The following DNHD1 variants were observed in gnomAD, a reference collection of about 807,000 sequenced individuals.
DNHD1 encodes dynein heavy chain domain-containing protein 1.
Under a neutral mutation model 458.1 loss-of-function variants are expected in DNHD1, and 383 were observed. The observed-to-expected ratio is 0.84, with a 90% CI of 0.77 to 0.91. The LOEUF (loss-of-function observed/expected upper bound fraction) is 0.91. DNHD1 is among the 40% of genes least tolerant of loss of function. The probability of loss-of-function intolerance (pLI) is 0.00; values close to 1 mark genes in which losing one functional copy is unlikely to be tolerated. For synonymous variants in DNHD1, 2,203 were observed against 2,376.9 expected, an observed-to-expected ratio of 0.93 and a Z score of 2.13; for missense variants, 5,336 against 5,866.1, an observed-to-expected ratio of 0.91 and a Z score of 2.95.
intron 7 of DNHD1, among the ~76,000 whole-genome samples, chr11:6,515,502 A>G (rs1852443007): frequency 6.6e-6 from 1 of 152,110 alleles, no homozygotes. Context: ...AGGCATGACA[A>G]CTCTGTAATA....
rs1853508753 is a variant in DNHD1 at position 6,558,148 on chromosome 11, C to T, written c.8853C>T (p.Leu2951=). ...VALLVPSGVD[L]TTLHRLLALA... Reference sequence around the variant, plus strand: ...TGTTGGTACCCAGTGGTGTGGATCTCACTACACTTCATCGCCTCCTGGCCC... The same window carrying T: ...TGTTGGTACCCAGTGGTGTGGATCTTACTACACTTCATCGCCTCCTGGCCC... The change falls in exon 25 of 43, where the codon CTC becomes CTT. Residue 2951 remains leucine, a synonymous_variant. Transcript: ENST00000254579. 6.4e-7 allele frequency: 1 copy of T among 1,550,834 alleles called. No individual in the cohort carries two copies. Among genetic ancestry groups the T allele is most frequent in the Non-Finnish European group, 8.7e-7 (1 of 1,146,704 alleles).
chr11:6,559,777 G>A (rs1324049571), intron 28 of DNHD1, among the ~76,000 whole-genome samples: 1 of 152,192 alleles, frequency 6.6e-6, no homozygotes, highest in African/African-American at 2.4e-5. Flanking sequence ...AGAACCAGAA[G>A]TAAATTTATA....
Position 6,571,057 on chromosome 11 carries a change from G to T in DNHD1, c.13545G>T (p.Pro4515=). Residue 4515 remains proline, a synonymous_variant, in exon 42 of 43, where the codon CCG becomes CCT. Transcript: ENST00000254579. The surrounding 1 kb of genome is among the most constrained non-coding windows in gnomAD (Gnocchi z 5.0). ...CLLQQLKGAP[P]CPSRRCAAVA... Reference sequence around the variant, plus strand: ...TGCAGCAGCTGAAGGGCGCACCCCCGTGCCCCTCCCGCCGCTGTGCTGCGG... The same window carrying T: ...TGCAGCAGCTGAAGGGCGCACCCCCTTGCCCCTCCCGCCGCTGTGCTGCGG... 1 of 1,578,776 alleles carries T rather than the reference G, an allele frequency of 6.3e-7. No homozygotes were observed. Among genetic ancestry groups the T allele is most frequent in the South Asian group, 1.2e-5 (1 of 86,402 alleles).
Position 6,546,900 on chromosome 11 carries a change from C to T in DNHD1, c.5961C>T (p.Gly1987=). The stretch of plus-strand genomic sequence containing the variant: ...GCCAGGCCCTGAGCCGGGCCTCAGG[C>T]ATTCTGCTCCTGGGCCCTGCGGGCA... The part of the protein sequence containing the change: ...QLSQALSRAS[G]ILLLGPAGSG... The change falls in exon 21 of 43, where the codon GGC becomes GGT. Residue 1987 remains glycine, a synonymous_variant. Transcript: ENST00000254579. 6.4e-7 allele frequency: 1 copy of T among 1,551,708 alleles called. No homozygotes were observed. Among genetic ancestry groups the T allele is most frequent in the Non-Finnish European group, 8.7e-7 (1 of 1,146,974 alleles).
intron 41 of DNHD1, 21 bp from the exon 42 acceptor site, chr11:6,570,597 C>A (rs1375789136): frequency 1.3e-6 from 2 of 1,573,486 alleles, no homozygotes; most frequent in Non-Finnish European, 1.7e-6. Context: ...TTGTCCCTCA[C>A]CCCTCACCTC....
chr11:6,545,270 TC>T lies in DNHD1; in HGVS notation c.4334del (p.Pro1445LeufsTer33). 1 of 1,551,732 alleles carries T rather than the reference TC, an allele frequency of 6.4e-7. No individual in the cohort carries two copies. On this transcript the variant is annotated frameshift_variant, in exon 21 of 43. Coordinates refer to ENST00000254579, the MANE Select transcript of DNHD1 (RefSeq NM_144666.3). The surrounding 1 kb of genome is among the most constrained non-coding windows in gnomAD (Gnocchi z 4.9). ...GGTCCCCTTCCTCTGCATCCAGATCTCCCTAAGTGGCTGGCCTCTCTGGAGA... is the reference window on the plus strand; with the variant it reads ...GGTCCCCTTCCTCTGCATCCAGATCTCCTAAGTGGCTGGCCTCTCTGGAGA... ...LQGPLPLHPD[L>X]PKWLASLEKC...
chr11:6,568,317 T>C (rs1853757508), intron 37 of DNHD1, 75 bp downstream of exon 37: 1 of 1,536,932 alleles, frequency 6.5e-7, no homozygotes, highest in Non-Finnish European at 8.8e-7. Flanking sequence ...TCAGGCCTCA[T>C]GGCCAGTGAC....
chr11:6,503,047 C>CCCCTGCCTGGTTTCCTTCTATGCTA, intron 4 of DNHD1, 121 bp downstream of exon 4: 2 of 1,095,010 alleles, frequency 1.8e-6, no homozygotes, highest in Non-Finnish European at 2.5e-6. Flanking sequence ...CATACTCCTC[C>CCCCTGCCTGGTTTCCTTCTATGCTA]TCTGACTCTA....
rs16914574 is a variant in DNHD1 at position 6,511,260 on chromosome 11, T to C, written c.1236-13T>C. On this transcript the variant is annotated splice_polypyrimidine_tract_variant and intron_variant, in intron 6 of 42. Coordinates refer to ENST00000254579, the MANE Select transcript of DNHD1 (RefSeq NM_144666.3). ...GGGATGCCAGCTCTGACCAGCTTAGTCCTTGATTCTAGGCTTCTGCAGGAG... is the reference window on the plus strand; with the variant it reads ...GGGATGCCAGCTCTGACCAGCTTAGCCCTTGATTCTAGGCTTCTGCAGGAG... 46,244 of 1,613,788 alleles carry C rather than the reference T, an allele frequency of 0.029. 753 individuals carry two copies. Among genetic ancestry groups the C allele is most frequent in the Non-Finnish European group, 0.034 (40,680 of 1,179,774 alleles).
In DNHD1 at chr11:6,557,106, T is replaced by C. The variant is rs1564820054; in HGVS notation, c.7811T>C (p.Leu2604Pro). The C allele has an allele frequency of 6.4e-7, 1 of 1,551,722 alleles. No homozygotes were observed. The highest frequency in any genetic ancestry group is 2.4e-5 in the East Asian group (1 of 40,912). Reference sequence around the variant, plus strand: ...CACCTACTGAGCAGCCTGCAGCTGCTGCCCAACAGAACAGGCTCCCGAGGT... The same window carrying C: ...CACCTACTGAGCAGCCTGCAGCTGCCGCCCAACAGAACAGGCTCCCGAGGT... ...VSHLLSSLQL[L>P]PNRTGSRGFV... Residue 2604 changes from leucine (L) to proline (P), a missense_variant, in exon 25 of 43, where the codon CTG becomes CCG. Leu to Pro is a moderately conservative substitution (Grantham distance 98). Transcript: ENST00000254579.
intron 24 of DNHD1, among the ~76,000 whole-genome samples, chr11:6,554,526 A>G (rs1853421925): frequency 6.6e-6 from 1 of 152,258 alleles, no homozygotes; most frequent in Non-Finnish European, 1.5e-5. Flanking sequence ...GAAAACATGC[A>G]TGATACATGT....
At chr11:6,541,280 T>C (rs1853093740) in intron 18 of DNHD1, among the ~76,000 whole-genome samples, 1 of 152,240 alleles carries the variant, frequency 6.6e-6, no homozygotes, top group African/African-American at 2.4e-5. Flanking sequence ...TACTGAAGCT[T>C]TCTGTGGTTT....
rs1564815536 is a variant in DNHD1, at chr11:6,545,046, C to CCTG, written c.4111_4113dup (p.Leu1371dup). ...TCCTTAGTGACAGTGAGCTGGTAGC[C>CCTG]CTGCTGGCTGCTCGACTGGAATCAT... On this transcript the variant is annotated inframe_insertion, in exon 21 of 43. Transcript: ENST00000254579. This position sits in a 1 kb window ranked among gnomAD's most constrained non-coding sequence, Gnocchi z 4.9. 1.2e-5 allele frequency: 19 copies of CCTG among 1,551,892 alleles called. No homozygotes were observed. The highest frequency in any genetic ancestry group is 1.7e-5 in the Non-Finnish European group (19 of 1,147,036).
rs1433072018 is a variant in DNHD1, at chr11:6,559,366, C to A, written c.9519+83C>A. The A allele has an allele frequency of 6.8e-6, 8 of 1,170,650 alleles. No individual in the cohort carries two copies. In the East Asian group the frequency reaches 1.8e-4, roughly 26 times the overall value. 72.5% of individuals were successfully genotyped at this position (1,170,650 alleles called of 1,614,324 possible). A position where few individuals can be genotyped will look rare whatever the true frequency, so the allele number is the denominator to read the frequency against. ...CTTGAAAGGAAGCAACCAGAATGAA[C>A]CTTAATTCTTGTCCCCCTAAGCTTC... On this transcript the variant is annotated intron_variant, in intron 28 of 42. Transcript: ENST00000254579.
intron 14 of DNHD1, among the ~76,000 whole-genome samples, chr11:6,536,603 T>A (rs1165342374): frequency 6.6e-6 from 1 of 152,194 alleles, no homozygotes; most frequent in Non-Finnish European, 1.5e-5. Flanking sequence ...TCTATACCTA[T>A]GGAAGATAGA....
intron 2 of DNHD1, 32 bp downstream of exon 2, chr11:6,497,699 T>C (rs1268887651): frequency 6.3e-6 from 1 of 158,860 alleles, no homozygotes; most frequent in African/African-American, 2.4e-5. Flanking sequence ...AGTCTCTCCG[T>C]GTATGGGTGG....
In DNHD1 at chr11:6,533,138, G is replaced by A. The variant is rs1043831617; in HGVS notation, c.2459G>A (p.Arg820Gln). Residue 820 changes from arginine to glutamine, a missense_variant, in exon 13 of 43, where the codon CGA becomes CAA. Arg to Gln is a conservative substitution (Grantham distance 43, BLOSUM62 1). Around this residue, in one of 4 missense-constraint regions of DNHD1, gnomAD observed 3,932 missense variants for 4,365.6 expected, o/e 0.90. Coordinates refer to ENST00000254579, the MANE Select transcript of DNHD1 (RefSeq NM_144666.3). ...TELTDFMHIF[R>Q]TINSDIHAIA... Reference sequence around the variant, plus strand: ...CTCACAGATTTCATGCATATCTTCCGAACCATCAACTCAGATATTCATGCC... The same window carrying A: ...CTCACAGATTTCATGCATATCTTCCAAACCATCAACTCAGATATTCATGCC... 1.7e-5 allele frequency: 27 copies of A among 1,551,460 alleles called. No individual in the cohort carries two copies. The highest frequency in any genetic ancestry group is 2.7e-5 in the African/African-American group (2 of 73,020).
chr11:6,509,799 G>T (rs1197103826), intron 6 of DNHD1, among the ~76,000 whole-genome samples: 1 of 152,042 alleles, frequency 6.6e-6, no homozygotes, highest in Non-Finnish European at 1.5e-5. Context: ...GGTATATTCT[G>T]TGACAGGAGT....
chr11:6,528,665 G>C lies in DNHD1; in HGVS notation c.1981G>C (p.Glu661Gln). Reference sequence around the variant, plus strand: ...GTCTCACCCAATTGCTGGTATCTTGGAGGTCCGTGGATGTCGGCTGCGGGG... The same window carrying C: ...GTCTCACCCAATTGCTGGTATCTTGCAGGTCCGTGGATGTCGGCTGCGGGG... Reference protein sequence around the residue: ...WKSHPIAGILEVRGCRLRGQY... With the variant: ...WKSHPIAGILQVRGCRLRGQY... Residue 661 changes from glutamate (E) to glutamine (Q), a missense_variant, in exon 11 of 43, where the codon GAG becomes CAG. Around this residue, in one of 4 missense-constraint regions of DNHD1, gnomAD observed 3,932 missense variants for 4,365.6 expected, o/e 0.90. Transcript: ENST00000254579. 6.4e-7 allele frequency: 1 copy of C among 1,551,714 alleles called. No homozygotes were observed. Among genetic ancestry groups the C allele is most frequent in the Non-Finnish European group, 8.7e-7 (1 of 1,147,000 alleles).
Sources: gnomAD v4.1 joint callset for allele counts (sites outside exome capture counted in the v4.1 genomes callset) on GRCh38, gnomAD v4.1.1 for gene constraint, gnomAD v4.1.1 regional missense constraint, Gnocchi (gnomAD v3.1) non-coding constraint, MANE v1.5 for transcripts, NCBI Gene and HGNC (gene_info 2026-07-23, HGNC 2026-07-21) for gene names.